The following IGSF10 variants were observed in gnomAD, a reference collection of about 807,000 sequenced individuals.
The protein encoded by IGSF10 is calvaria mechanical force protein 608.
IGSF10 carries 126 observed loss-of-function variants against 128.2 expected under a neutral mutation model. The observed-to-expected ratio is 0.98, with a 90% CI of 0.85 to 1.14. IGSF10 has a LOEUF of 1.14. Ranked by LOEUF, IGSF10 falls within the 50% of genes most tolerant of loss-of-function variation. IGSF10 has a pLI of 0.00. For synonymous variants in IGSF10, 1,185 were observed against 1,146.2 expected (o/e 1.03, Z -0.68); for missense variants, 3,295 against 3,149.8 (o/e 1.05, Z -1.10).
chr3:151,513,148 A>G, the IGSF10 span, among the ~76,000 whole-genome samples: 1 of 152,206 alleles, frequency 6.6e-6, no homozygotes, highest in Non-Finnish European at 1.5e-5. Context: ...AAAGCCTGGC[A>G]GAGACACAAC....
At chr3:151,466,527 C>A in the IGSF10 span, among the ~76,000 whole-genome samples, 2 of 152,168 alleles carry the variant, frequency 1.3e-5, no homozygotes, top group Non-Finnish European at 2.9e-5. Context: ...GGAACTCCAG[C>A]TAATTTTATG....
At chr3:151,452,674 C>T (rs1177003827) in intron 5 of IGSF10, among the ~76,000 whole-genome samples, 4 of 151,790 alleles carry the variant, frequency 2.6e-5, no homozygotes, top group Admixed American at 2.6e-4. Context: ...AAGTTTGGGA[C>T]ATATTGAAAC....
At chr3:151,572,100 T>G in the IGSF10 span, among the ~76,000 whole-genome samples, 1 of 152,234 alleles carries the variant, frequency 6.6e-6, no homozygotes, top group South Asian at 2.1e-4. Flanking sequence ...AGCCTTTTGA[T>G]GTGCTGCTGG....
chr3:151,514,288 C>T, the IGSF10 span, among the ~76,000 whole-genome samples: 3 of 152,028 alleles, frequency 2.0e-5, no homozygotes, highest in Non-Finnish European at 4.4e-5. Context: ...ACCAATGGAA[C>T]AGAACAGAGC....
upstream of IGSF10, among the ~76,000 whole-genome samples, chr3:151,462,630 T>G (rs560582437): frequency 2.6e-4 from 39 of 152,358 alleles, no homozygotes; most frequent in African/African-American, 9.1e-4. Context: ...AGTCTTGCCC[T>G]ATGGTCTGAA....
the IGSF10 span, among the ~76,000 whole-genome samples, chr3:151,549,791 A>C: frequency 1.3e-5 from 2 of 152,218 alleles, no homozygotes; most frequent in Non-Finnish European, 2.9e-5. Context: ...TATGTACATC[A>C]AAGGAATCTC....
the IGSF10 span, among the ~76,000 whole-genome samples, chr3:151,483,675 G>C: frequency 4.1e-4 from 62 of 152,090 alleles, no homozygotes; most frequent in South Asian, 2.1e-4. Context: ...ACTGAAGCAG[G>C]GTGGGGCATT....
chr3:151,455,151 C>G (rs1488076892), intron 4 of IGSF10, among the ~76,000 whole-genome samples: 1 of 150,206 alleles, frequency 6.7e-6, no homozygotes, highest in African/African-American at 2.5e-5. Flanking sequence ...ACTCTTGTTG[C>G]CCAGGCTGGA....
the IGSF10 span, among the ~76,000 whole-genome samples, chr3:151,523,265 C>T: frequency 2.0e-5 from 3 of 152,258 alleles, no homozygotes; most frequent in South Asian, 6.2e-4. Flanking sequence ...AGGTTCAATG[C>T]TATTCCTATC....
the IGSF10 span, among the ~76,000 whole-genome samples, chr3:151,586,928 C>A: frequency 6.6e-6 from 1 of 152,068 alleles, no homozygotes; most frequent in Non-Finnish European, 1.5e-5. Flanking sequence ...AATGCAATAA[C>A]ATGAATAAAT....
At chr3:151,613,879 T>A in the IGSF10 span, among the ~76,000 whole-genome samples, 1 of 152,170 alleles carries the variant, frequency 6.6e-6, no homozygotes, top group African/African-American at 2.4e-5. Flanking sequence ...ACCATCAGAA[T>A]GAACAGGCAA....
the IGSF10 span, among the ~76,000 whole-genome samples, chr3:151,477,609 T>C: frequency 2.6e-5 from 4 of 152,228 alleles, no homozygotes; most frequent in African/African-American, 7.2e-5. Context: ...CGAAGCTTTA[T>C]ATGGAAAGAT....
At chr3:151,471,093 T>C in the IGSF10 span, among the ~76,000 whole-genome samples, 1 of 152,054 alleles carries the variant, frequency 6.6e-6, no homozygotes, top group Admixed American at 6.6e-5. Flanking sequence ...TGGGGGTGGG[T>C]CTTTTCCATG....
At chr3:151,554,332 A>T in the IGSF10 span, among the ~76,000 whole-genome samples, 1 of 152,208 alleles carries the variant, frequency 6.6e-6, no homozygotes, top group African/African-American at 2.4e-5. Context: ...TATATACTTT[A>T]AAAAAGTCAA....
the IGSF10 span, among the ~76,000 whole-genome samples, chr3:151,593,975 G>C: frequency 1.1e-4 from 16 of 145,554 alleles, no homozygotes. Flanking sequence ...TTGAGGAATG[G>C]GCTGAGGGAA....
chr3:151,544,452 T>A, the IGSF10 span, among the ~76,000 whole-genome samples: 1 of 152,230 alleles, frequency 6.6e-6, no homozygotes, highest in Non-Finnish European at 1.5e-5. Flanking sequence ...AAAGAATGCA[T>A]GGAATGTTTG....
chr3:151,482,939 T>C, the IGSF10 span, among the ~76,000 whole-genome samples: 26 of 151,962 alleles, frequency 1.7e-4, no homozygotes, highest in African/African-American at 5.8e-4. Flanking sequence ...TGGCCAAGAA[T>C]ATTATGCTTA....
At chr3:151,515,064 T>G in the IGSF10 span, among the ~76,000 whole-genome samples, 1 of 152,110 alleles carries the variant, frequency 6.6e-6, no homozygotes, top group African/African-American at 2.4e-5. Flanking sequence ...GTGTGGAAAT[T>G]CCTCAAGGAT....
chr3:151,458,365 C>T (rs1365152957), intron 3 of IGSF10, 151 bp downstream of exon 3: 4 of 563,060 alleles, frequency 7.1e-6, no homozygotes, highest in African/African-American at 5.8e-5. Context: ...CTTATTGCCC[C>T]CAACAAACAA....
Sources: gnomAD v4.1 joint callset for allele counts (sites outside exome capture counted in the v4.1 genomes callset) on GRCh38, gnomAD v4.1.1 for gene constraint, MANE v1.5 for transcripts, NCBI Gene and HGNC (gene_info 2026-07-23, HGNC 2026-07-21) for gene names.